TMEM178B: variants seen among roughly 807,000 people sequenced by gnomAD.
The protein encoded by TMEM178B is transmembrane protein 178B.
Under a neutral mutation model 31.0 loss-of-function variants are expected in TMEM178B, and 5 were observed. The observed-to-expected ratio is 0.16, with a 90% CI of 0.08 to 0.34. The LOEUF (loss-of-function observed/expected upper bound fraction) is 0.34. Among genes scored for constraint, TMEM178B ranks in the 10% least tolerant of loss-of-function variants. The pLI, the probability that TMEM178B is intolerant of heterozygous loss-of-function variation, is 1.00. For missense variants in TMEM178B, 275 were observed against 400.3 expected (o/e 0.69, Z 2.67); for synonymous variants, 164 against 164.0 (o/e 1.00, Z 0.00).
chr7:141,350,332 G>T (rs887660433), intron 2 of TMEM178B, among the ~76,000 whole-genome samples: 1 of 151,614 alleles, frequency 6.6e-6, no homozygotes, highest in Non-Finnish European at 1.5e-5. Flanking sequence ...TCACTCTATG[G>T]TATATATCAC....
chr7:141,099,890 C>T (rs1470483856), intron 1 of TMEM178B, among the ~76,000 whole-genome samples: 1 of 147,144 alleles, frequency 6.8e-6, no homozygotes, highest in African/African-American at 2.5e-5. Flanking sequence ...AGTGCAGTGG[C>T]GTGATCTCGG....
chr7:141,245,505 G>A (rs1376882459), intron 2 of TMEM178B, among the ~76,000 whole-genome samples: 1 of 152,106 alleles, frequency 6.6e-6, no homozygotes, highest in African/African-American at 2.4e-5. Flanking sequence ...ATAAAGAAAC[G>A]GCAAAAAGTC....
At chr7:141,265,951 T>C (rs1798088873) in intron 2 of TMEM178B, among the ~76,000 whole-genome samples, 1 of 152,178 alleles carries the variant, frequency 6.6e-6, no homozygotes, top group Admixed American at 6.5e-5. Context: ...GAGCTCACCC[T>C]CATTCATCAG....
chr7:141,221,304 C>A (rs1797253090), intron 2 of TMEM178B, among the ~76,000 whole-genome samples: 2 of 152,162 alleles, frequency 1.3e-5, no homozygotes, highest in African/African-American at 4.8e-5. Context: ...AGCTTCCGGG[C>A]AAACTGCTGC....
intron 2 of TMEM178B, among the ~76,000 whole-genome samples, chr7:141,364,976 C>T (rs1799979767): frequency 6.6e-6 from 1 of 152,216 alleles, no homozygotes; most frequent in African/African-American, 2.4e-5. Context: ...TGCCTCCTGA[C>T]TTATTGATGT....
chr7:141,158,781 C>T (rs1252911257), intron 1 of TMEM178B, among the ~76,000 whole-genome samples: 5 of 152,124 alleles, frequency 3.3e-5, no homozygotes, highest in Admixed American at 2.6e-4. Flanking sequence ...TGCGGTCTGA[C>T]TTCCTGCCAG....
chr7:141,110,062 T>C (rs1394187653), intron 1 of TMEM178B, among the ~76,000 whole-genome samples: 3 of 152,192 alleles, frequency 2.0e-5, no homozygotes, highest in African/African-American at 7.2e-5. Flanking sequence ...AAAAATCCAA[T>C]TTATAGGAAA....
intron 2 of TMEM178B, among the ~76,000 whole-genome samples, chr7:141,299,834 A>G (rs935225672): frequency 6.6e-6 from 1 of 152,044 alleles, no homozygotes; most frequent in African/African-American, 2.4e-5. Flanking sequence ...CACCCAGGTT[A>G]TAGTGCAGTG....
At chr7:141,355,268 A>G (rs1799799483) in intron 2 of TMEM178B, among the ~76,000 whole-genome samples, 1 of 152,196 alleles carries the variant, frequency 6.6e-6, no homozygotes, top group Non-Finnish European at 1.5e-5. Flanking sequence ...TGACTAACTC[A>G]GGAAATAAAG....
chr7:141,367,427 A>G (rs1224891635), intron 2 of TMEM178B, among the ~76,000 whole-genome samples: 1 of 151,994 alleles, frequency 6.6e-6, no homozygotes, highest in African/African-American at 2.4e-5. Context: ...GGCATGTGCC[A>G]CTACACCTGG....
chr7:141,368,994 A>G (rs1800060368), intron 2 of TMEM178B, among the ~76,000 whole-genome samples: 1 of 151,812 alleles, frequency 6.6e-6, no homozygotes, highest in South Asian at 2.1e-4. Flanking sequence ...CCCCTCCTGT[A>G]GATGGGGCCC....
At chr7:141,331,288 A>G (rs1799295630) in intron 2 of TMEM178B, among the ~76,000 whole-genome samples, 1 of 152,182 alleles carries the variant, frequency 6.6e-6, no homozygotes, top group Non-Finnish European at 1.5e-5. Flanking sequence ...AAAGTATTGG[A>G]CTGAATCCTG....
chr7:141,432,681 G>A (rs1801458427), intron 2 of TMEM178B, among the ~76,000 whole-genome samples: 1 of 151,948 alleles, frequency 6.6e-6, no homozygotes, highest in Non-Finnish European at 1.5e-5. Context: ...TTCTTCTCTT[G>A]TCTCTCTGCA....
intron 2 of TMEM178B, among the ~76,000 whole-genome samples, chr7:141,311,916 C>T (rs553652497): frequency 8.5e-5 from 13 of 152,176 alleles, no homozygotes; most frequent in Non-Finnish European, 1.8e-4. Context: ...AGGCTTGTGA[C>T]AACTGGACAG....
intron 2 of TMEM178B, among the ~76,000 whole-genome samples, chr7:141,272,869 G>T (rs565616026): frequency 6.6e-6 from 1 of 152,324 alleles, no homozygotes; most frequent in African/African-American, 2.4e-5. Flanking sequence ...CATCTTCTGG[G>T]TGTGTATCTA....
intron 1 of TMEM178B, among the ~76,000 whole-genome samples, chr7:141,128,554 C>G (rs73738945): frequency 0.046 from 7,017 of 151,478 alleles, 407 homozygotes; most frequent in African/African-American, 0.14. Flanking sequence ...AAAAAAAAAG[C>G]TCCAAAATAT....
At chr7:141,463,838 G>A (rs554486001) in intron 3 of TMEM178B, among the ~76,000 whole-genome samples, 2 of 152,338 alleles carry the variant, frequency 1.3e-5, no homozygotes, top group Admixed American at 6.5e-5. Flanking sequence ...TGGCTAGGTA[G>A]GCAGGATGCA....
intron 2 of TMEM178B, among the ~76,000 whole-genome samples, chr7:141,338,116 C>T (rs1476487955): frequency 5.3e-5 from 8 of 152,140 alleles, no homozygotes; most frequent in East Asian, 1.9e-4. Flanking sequence ...GGATTACAGG[C>T]GTGAGCCACC....
chr7:141,089,021 T>G (rs76137335), intron 1 of TMEM178B, among the ~76,000 whole-genome samples: 1 of 152,196 alleles, frequency 6.6e-6, no homozygotes, highest in African/African-American at 2.4e-5. Flanking sequence ...GTACCTATTA[T>G]GGCCCATGCA....
Sources: allele counts gnomAD v4.1 joint callset (sites outside exome capture counted in the v4.1 genomes callset), GRCh38; gene constraint gnomAD v4.1.1; transcripts MANE v1.5; gene names NCBI Gene and HGNC (gene_info 2026-07-23, HGNC 2026-07-21).